The following MACROD2 variants were observed in gnomAD, a reference collection of about 807,000 sequenced individuals.
MACROD2 encodes the protein ADP-ribose glycohydrolase MACROD2.
MACROD2 carries 36 observed loss-of-function variants against 70.4 expected under a neutral mutation model. That is an observed-to-expected ratio of 0.51 (90% confidence interval 0.39 to 0.68). The LOEUF (loss-of-function observed/expected upper bound fraction) is 0.68. MACROD2 is among the 30% of genes least tolerant of loss of function. MACROD2 has a pLI of 0.00. For missense variants in MACROD2, 496 were observed against 538.4 expected (o/e 0.92, Z 0.78); for synonymous variants, 172 against 178.8 (o/e 0.96, Z 0.30).
intron 3 of MACROD2, among the ~76,000 whole-genome samples, chr20:14,131,991 C>T (rs570153799): frequency 4.6e-5 from 7 of 151,970 alleles, no homozygotes; most frequent in Non-Finnish European, 1.0e-4. Context: ...ATTAGCTGGG[C>T]GTGGTGGTGT....
rs569062688 is a variant in MACROD2, at chr20:14,134,533, G to A, written c.271+48805G>A. On this transcript the variant is annotated intron_variant, in intron 3 of 17. Transcript: ENST00000684519. ...TATAAAGAGAATGATACGGCTGGGC[G>A]CAGTGGCCCACGCCTGTAATCCCAG... 2.1e-3 allele frequency among the ~76,000 whole-genome samples: 321 copies of A among 152,178 alleles called. 2 individuals carry two copies. Among genetic ancestry groups the A allele is most frequent in the African/African-American group, 7.6e-3 (315 of 41,524 alleles).
intron 8 of MACROD2, among the ~76,000 whole-genome samples, chr20:15,642,482 G>T (rs974835075): frequency 2.0e-5 from 3 of 151,886 alleles, no homozygotes; most frequent in Non-Finnish European, 2.9e-5. Context: ...GAATGTCTAT[G>T]CCCGGTTCTC....
intron 3 of MACROD2, among the ~76,000 whole-genome samples, chr20:14,263,928 T>A (rs2082120821): frequency 6.8e-6 from 1 of 148,076 alleles, no homozygotes; most frequent in Non-Finnish European, 1.5e-5. Flanking sequence ...GCCATGATTG[T>A]ACCACTTCAC....
intron 2 of MACROD2, among the ~76,000 whole-genome samples, chr20:14,082,345 AT>A: frequency 6.9e-6 from 1 of 144,806 alleles, no homozygotes; most frequent in East Asian, 2.0e-4. Context: ...TGCCCTGCTA[AT>A]TTTTTGTATT....
intron 5 of MACROD2, among the ~76,000 whole-genome samples, chr20:14,744,336 G>A (rs2071772115): frequency 6.6e-6 from 1 of 152,212 alleles, no homozygotes; most frequent in African/African-American, 2.4e-5. Flanking sequence ...TTTTTTAATT[G>A]ACGTATAAAA....
chr20:15,472,496 C>G (rs569039195), intron 7 of MACROD2, among the ~76,000 whole-genome samples: 4 of 152,260 alleles, frequency 2.6e-5, no homozygotes, highest in African/African-American at 9.6e-5. Flanking sequence ...AATACTAAAT[C>G]TATCATCTTA....
chr20:15,505,313 C>T (rs1258072146), intron 8 of MACROD2, among the ~76,000 whole-genome samples: 3 of 152,252 alleles, frequency 2.0e-5, no homozygotes, highest in East Asian at 3.9e-4. Flanking sequence ...TCTAAGATGA[C>T]GATTCTGAGC....
intron 5 of MACROD2, among the ~76,000 whole-genome samples, chr20:14,803,410 T>A (rs1232917923): frequency 7.9e-5 from 12 of 152,100 alleles, no homozygotes; most frequent in Admixed American, 6.6e-4. Flanking sequence ...TATACTCAGG[T>A]TAAGATGACT....
At chr20:15,546,270 C>T (rs533670245) in intron 8 of MACROD2, among the ~76,000 whole-genome samples, 3 of 152,178 alleles carry the variant, frequency 2.0e-5, no homozygotes, top group African/African-American at 7.2e-5. Context: ...CTGACCATGA[C>T]TTCACATGAT....
rs117983440 is a variant in MACROD2 at position 15,962,790 on chromosome 20, T to A, written c.908-4763T>A. On this transcript the variant is annotated intron_variant, in intron 12 of 17. Coordinates refer to ENST00000684519, the MANE Select transcript of MACROD2 (RefSeq NM_001351661.2). ...ATGAAGACAAATGACCAACTATAGC[T>A]CATTTGGGTCTCCTGATGCCCTGAG... 5.5e-3 allele frequency among the ~76,000 whole-genome samples: 832 copies of A among 152,282 alleles called. 8 individuals are homozygous for A. The highest frequency in any genetic ancestry group is 0.014 in the Middle Eastern group (4 of 294).
Position 16,046,205 on chromosome 20 carries a change from A to C in MACROD2, c.1300+1566A>C, listed in dbSNP as rs1374901763. Among the ~76,000 whole-genome samples, 7 of 152,298 alleles carry C rather than the reference A, an allele frequency of 4.6e-5. No homozygotes were observed. In the East Asian group the frequency reaches 5.8e-4, roughly 13 times the overall value. On this transcript the variant is annotated intron_variant, in intron 17 of 17. Coordinates refer to ENST00000684519, the MANE Select transcript of MACROD2 (RefSeq NM_001351661.2). Reference sequence around the variant, plus strand: ...AATATGGGAATGTGTGAAAGAGTACATGTCTTATTCCTGTATGGTCTTGAA... The same window carrying C: ...AATATGGGAATGTGTGAAAGAGTACCTGTCTTATTCCTGTATGGTCTTGAA...
At position 15,486,540 on chromosome 20, in the gene MACROD2, G is replaced by A. The variant is rs1005781234; in HGVS notation, c.572-13234G>A. On this transcript the variant is annotated intron_variant, in intron 7 of 17. Coordinates refer to ENST00000684519, the MANE Select transcript of MACROD2 (RefSeq NM_001351661.2). ...TGAAGACATTGAGGAATAGAGACCT[G>A]TTTTGCTCACTCAGATTGTACTTTT... 2.0e-5 allele frequency among the ~76,000 whole-genome samples: 3 copies of A among 152,192 alleles called. No individual in the cohort carries two copies. In the South Asian group the frequency reaches 6.2e-4, roughly 31 times the overall value.
intron 6 of MACROD2, among the ~76,000 whole-genome samples, chr20:15,299,594 A>G (rs1237194643): frequency 1.3e-5 from 2 of 152,206 alleles, no homozygotes; most frequent in Non-Finnish European, 1.5e-5. Context: ...ATTTTGTTTA[A>G]AGTTGTCTGG....
intron 5 of MACROD2, among the ~76,000 whole-genome samples, chr20:14,904,707 G>A (rs1179597536): frequency 6.6e-6 from 1 of 152,088 alleles, no homozygotes; most frequent in Non-Finnish European, 1.5e-5. Context: ...GTTATTTCAT[G>A]TATACAATAT....
chr20:15,561,656 A>C (rs2048245652), intron 8 of MACROD2, among the ~76,000 whole-genome samples: 1 of 152,116 alleles, frequency 6.6e-6, no homozygotes, highest in Non-Finnish European at 1.5e-5. Flanking sequence ...AAGGAGAAAA[A>C]TGGTTAGGGT....
At chr20:15,688,826 A>G (rs1819560040) in intron 8 of MACROD2, among the ~76,000 whole-genome samples, 2 of 152,212 alleles carry the variant, frequency 1.3e-5, no homozygotes, top group South Asian at 4.1e-4. Flanking sequence ...GGGGGTGTTT[A>G]TGGTCATTAA....
intron 2 of MACROD2, among the ~76,000 whole-genome samples, chr20:14,034,837 A>G (rs2053288667): frequency 6.6e-6 from 1 of 152,216 alleles, no homozygotes. Flanking sequence ...TTCATTGTAC[A>G]TTAAGAAAAT....
intron 8 of MACROD2, among the ~76,000 whole-genome samples, chr20:15,711,222 C>T (rs1028675494): frequency 5.9e-5 from 9 of 152,088 alleles, no homozygotes; most frequent in Non-Finnish European, 1.2e-4. Context: ...ATTGATCTTT[C>T]GCTTTGCTTT....
intron 6 of MACROD2, among the ~76,000 whole-genome samples, chr20:15,254,347 T>C (rs1327857523): frequency 6.6e-6 from 1 of 152,134 alleles, no homozygotes; most frequent in Non-Finnish European, 1.5e-5. Flanking sequence ...TAACTCTTGG[T>C]GGATGTTCAA....
Sources: gnomAD v4.1 joint callset for allele counts (sites outside exome capture counted in the v4.1 genomes callset) on GRCh38, gnomAD v4.1.1 for gene constraint, MANE v1.5 for transcripts, NCBI Gene and HGNC (gene_info 2026-07-23, HGNC 2026-07-21) for gene names.